RORB: variants seen among roughly 807,000 people sequenced by gnomAD.
RORB encodes the protein nuclear receptor ROR-beta.
A neutral mutation model predicts 59.1 loss-of-function variants in RORB; 6 were observed. The ratio of observed to expected loss-of-function variants is 0.10; its 90% confidence interval spans 0.06 to 0.20. The LOEUF (loss-of-function observed/expected upper bound fraction) is 0.20. Among genes scored for constraint, RORB ranks in the 10% least tolerant of loss-of-function variants. The pLI is 1.00. For missense variants in RORB, 320 were observed against 560.5 expected (o/e 0.57, Z 4.33); for synonymous variants, 215 against 204.5 (o/e 1.05, Z -0.44).
chr9:74,680,129 T>G (rs1182897741), intron 9 of RORB, among the ~76,000 whole-genome samples: 2 of 152,016 alleles, frequency 1.3e-5, no homozygotes, highest in Non-Finnish European at 2.9e-5. Flanking sequence ...AAGTACTCTT[T>G]GGTTACAAGT....
intron 7 of RORB, 69 bp downstream of exon 7, chr9:74,665,664 G>A (rs1307739423): frequency 7.1e-6 from 7 of 987,734 alleles, no homozygotes; most frequent in Non-Finnish European, 1.1e-5. Flanking sequence ...GATTGAAATT[G>A]GTAAATGAAA....
At chr9:74,608,580 A>AAC (rs1295901252) in intron 1 of RORB, among the ~76,000 whole-genome samples, 9 of 151,372 alleles carry the variant, frequency 5.9e-5, no homozygotes, top group Admixed American at 3.9e-4. Context: ...AAAAAAAAAA[A>AAC]ATTGCTAGTT....
rs1342816989 is a variant in RORB, at chr9:74,588,928, A to C, written c.8-41354A>C. On this transcript the variant is annotated intron_variant, in intron 1 of 9. Transcript: ENST00000376896. ...TCCTGTGGACTTGGCTCTGACCATT[A>C]AGTGATGATTAAAAAAAAAAAATAA... Among the ~76,000 whole-genome samples the C allele has an allele frequency of 6.2e-5, 5 of 81,134 alleles. No individual in the cohort carries two copies. The Admixed American group carries it at 6.8e-4, about 11-fold the overall frequency. The allele number at this position is 81,134 out of a possible 152,430, so 53.2% of individuals were successfully genotyped here.
chr9:74,526,968 T>C (rs564205850), intron 1 of RORB, among the ~76,000 whole-genome samples: 6 of 152,016 alleles, frequency 3.9e-5, no homozygotes, highest in East Asian at 1.9e-4. Context: ...GAATGGAACG[T>C]TGGGATTAAA....
intron 1 of RORB, among the ~76,000 whole-genome samples, chr9:74,558,300 G>C (rs578204836): frequency 1.3e-5 from 2 of 152,126 alleles, no homozygotes; most frequent in Non-Finnish European, 2.9e-5. Context: ...AGCAGGATGG[G>C]TGACTGTCAG....
At chr9:74,653,725 A>T (rs1824033397) in intron 4 of RORB, among the ~76,000 whole-genome samples, 1 of 152,098 alleles carries the variant, frequency 6.6e-6, no homozygotes, top group South Asian at 2.1e-4. Context: ...CACTCCCAGG[A>T]TGTGGCATTC....
chr9:74,576,760 G>C (rs893171877), intron 1 of RORB, among the ~76,000 whole-genome samples: 24 of 152,048 alleles, frequency 1.6e-4, no homozygotes, highest in Non-Finnish European at 2.8e-4. Context: ...GGTTCCAAAA[G>C]CCTTTTTTAA....
chr9:74,640,597 TTTAAGAAGGA>T (rs1264969129), intron 3 of RORB, among the ~76,000 whole-genome samples: 1 of 152,072 alleles, frequency 6.6e-6, no homozygotes, highest in Non-Finnish European at 1.5e-5. Context: ...AATGTAGGTT[TTTAAGAAGGA>T]TTAAGAAGAT....
intron 6 of RORB, among the ~76,000 whole-genome samples, 198 bp from the exon 7 acceptor site, chr9:74,665,290 T>C (rs1367167973): frequency 6.6e-6 from 1 of 152,094 alleles, no homozygotes; most frequent in Non-Finnish European, 1.5e-5. Flanking sequence ...CAATTATTTT[T>C]GCACCAACCT....
chr9:74,619,730 G>A (rs1823377706), intron 1 of RORB, among the ~76,000 whole-genome samples: 2 of 152,148 alleles, frequency 1.3e-5, no homozygotes, highest in Admixed American at 6.6e-5. Flanking sequence ...AATTACAGGA[G>A]TTGGTTGTTC....
At chr9:74,659,554 T>G (rs1824146963) in intron 4 of RORB, among the ~76,000 whole-genome samples, 1 of 152,160 alleles carries the variant, frequency 6.6e-6, no homozygotes, top group Non-Finnish European at 1.5e-5. Context: ...TCGCCCAGAC[T>G]GGAGTGCATT....
intron 1 of RORB, among the ~76,000 whole-genome samples, chr9:74,614,860 T>G (rs184356207): frequency 9.5e-4 from 144 of 152,254 alleles, no homozygotes; most frequent in African/African-American, 3.3e-3. Flanking sequence ...GATCAGAAAT[T>G]TCTGTCTTTG....
intron 2 of RORB, 78 bp from the exon 3 acceptor site, chr9:74,634,553 G>A (rs1823672013): frequency 7.6e-7 from 1 of 1,320,422 alleles, no homozygotes; most frequent in Non-Finnish European, 1.0e-6. Context: ...TGCAGAAAAT[G>A]TAGCAAATGT....
chr9:74,572,844 G>A (rs1563941068), intron 1 of RORB, among the ~76,000 whole-genome samples: 1 of 152,162 alleles, frequency 6.6e-6, no homozygotes, highest in African/African-American at 2.4e-5. Context: ...CCTTGTGAAA[G>A]ATATTCCCAA....
intron 1 of RORB, among the ~76,000 whole-genome samples, chr9:74,611,630 C>T (rs1823233158): frequency 6.6e-6 from 1 of 152,066 alleles, no homozygotes; most frequent in Non-Finnish European, 1.5e-5. Context: ...CATTGATCAA[C>T]TCCATTCTTG....
At chr9:74,628,107 G>T (rs970354984) in intron 1 of RORB, among the ~76,000 whole-genome samples, 1 of 152,114 alleles carries the variant, frequency 6.6e-6, no homozygotes, top group African/African-American at 2.4e-5. Context: ...CTTGGCCGTG[G>T]CTCCAATCAT....
chr9:74,599,641 C>A (rs997961000), intron 1 of RORB, among the ~76,000 whole-genome samples: 3 of 152,112 alleles, frequency 2.0e-5, no homozygotes, highest in Admixed American at 1.3e-4. Flanking sequence ...TATAATATTT[C>A]AATATTCCAA....
chr9:74,535,655 G>A (rs1418703097), intron 1 of RORB, among the ~76,000 whole-genome samples: 1 of 151,850 alleles, frequency 6.6e-6, no homozygotes, highest in Middle Eastern at 3.2e-3. Context: ...TTTATGGTAA[G>A]CATATTAACA....
chr9:74,523,124 T>G (rs1826106086), intron 1 of RORB, among the ~76,000 whole-genome samples: 1 of 151,812 alleles, frequency 6.6e-6, no homozygotes, highest in African/African-American at 2.4e-5. Flanking sequence ...TTTGCTATAG[T>G]CTTATGTTTT....
Sources: gnomAD v4.1 joint callset for allele counts (sites outside exome capture counted in the v4.1 genomes callset) on GRCh38, gnomAD v4.1.1 for gene constraint, MANE v1.5 for transcripts, NCBI Gene and HGNC (gene_info 2026-07-23, HGNC 2026-07-21) for gene names.